The following KIAA0825 variants were observed in gnomAD, a reference collection of about 807,000 sequenced individuals.
KIAA0825 encodes KIAA0825.
Under a neutral mutation model 147.6 loss-of-function variants are expected in KIAA0825, and 119 were observed. That is an observed-to-expected ratio of 0.81 (90% CI 0.69 to 0.94). The LOEUF is 0.94. Ranked by LOEUF, KIAA0825 falls within the 40% of genes least tolerant of loss-of-function variation. The probability of loss-of-function intolerance (pLI) is 0.00; values close to 1 mark genes in which losing one functional copy is unlikely to be tolerated. For missense variants in KIAA0825, 1,381 were observed against 1,472.7 expected, an observed-to-expected ratio of 0.94 and a Z score of 1.02; for synonymous variants, 470 against 518.1, an observed-to-expected ratio of 0.91 and a Z score of 1.26.
intron 2 of KIAA0825, among the ~76,000 whole-genome samples, chr5:94,576,001 A>T (rs190969431): frequency 6.6e-6 from 1 of 152,312 alleles, no homozygotes; most frequent in East Asian, 1.9e-4. Context: ...AGTGGTAAGA[A>T]GGCATAGCAA....
chr5:94,234,232 G>A (rs796522761), intron 20 of KIAA0825, among the ~76,000 whole-genome samples: 25 of 151,962 alleles, frequency 1.6e-4, no homozygotes, highest in African/African-American at 3.9e-4. Context: ...TTAGCCGGGC[G>A]TGGTGGCGGG....
At chr5:94,615,064 T>TAA (rs570986751) in intron 1 of KIAA0825, among the ~76,000 whole-genome samples, 85 of 130,070 alleles carry the variant, frequency 6.5e-4, no homozygotes, top group African/African-American at 2.3e-3. Context: ...TCATAGCTGG[T>TAA]AAAAAAAAAA....
intron 20 of KIAA0825, among the ~76,000 whole-genome samples, chr5:94,269,824 T>C (rs1369104959): frequency 6.6e-6 from 1 of 151,892 alleles, no homozygotes; most frequent in African/African-American, 2.4e-5. Context: ...CAGAAATACA[T>C]GAAATTGAAA....
intron 1 of KIAA0825, among the ~76,000 whole-genome samples, chr5:94,588,348 A>T (rs866693810): frequency 6.6e-6 from 1 of 152,350 alleles, no homozygotes; most frequent in African/African-American, 2.4e-5. Flanking sequence ...ATTTACAAGA[A>T]AAAAAGTCCC....
chr5:94,382,201 A>G (rs1748507734), intron 20 of KIAA0825, among the ~76,000 whole-genome samples: 1 of 152,202 alleles, frequency 6.6e-6, no homozygotes, highest in Non-Finnish European at 1.5e-5. Context: ...CTAACCCCAA[A>G]CACCATAGTT....
At position 94,511,251 on chromosome 5, in the gene KIAA0825, C is replaced by T. The variant is rs562436423; in HGVS notation, c.970+8997G>A. Among the ~76,000 whole-genome samples the T allele has an allele frequency of 2.0e-5, 3 of 152,280 alleles. No individual in the cohort carries two copies. The South Asian group carries it at 6.2e-4, about 32-fold the overall frequency. On this transcript the variant is annotated intron_variant, in intron 5 of 20. Transcript: ENST00000682413. ...TGTTCGTTGTTATATTCCCTGAACC[C>T]CTCCTCACCCCTGACTATGGTATTT...
At chr5:94,254,664 T>G (rs1776151053) in intron 20 of KIAA0825, among the ~76,000 whole-genome samples, 1 of 152,174 alleles carries the variant, frequency 6.6e-6, no homozygotes, top group Non-Finnish European at 1.5e-5. Context: ...CTCTATGATA[T>G]TGACAAGTTT....
chr5:94,536,296 T>TAAA (rs1308843944), intron 3 of KIAA0825, among the ~76,000 whole-genome samples: 7 of 152,178 alleles, frequency 4.6e-5, no homozygotes, highest in Non-Finnish European at 8.8e-5. Context: ...TCTTAAATTT[T>TAAA]AAAAAAAGAA....
chr5:94,240,199 C>T (rs535354641), intron 20 of KIAA0825, among the ~76,000 whole-genome samples: 1 of 152,166 alleles, frequency 6.6e-6, no homozygotes, highest in Non-Finnish European at 1.5e-5. Context: ...ACTCGGCTAA[C>T]CCATATTAAG....
At chr5:94,352,624 G>C (rs1415983745) in intron 20 of KIAA0825, among the ~76,000 whole-genome samples, 1 of 152,224 alleles carries the variant, frequency 6.6e-6, no homozygotes, top group African/African-American at 2.4e-5. Context: ...GCACACGCAT[G>C]TTTATAGCCG....
chr5:94,353,647 T>TTA (rs1332169098), intron 20 of KIAA0825, among the ~76,000 whole-genome samples: 1 of 152,322 alleles, frequency 6.6e-6, no homozygotes. Flanking sequence ...CAATATCTTC[T>TTA]TATATACATT....
rs573378877 is a variant in KIAA0825 at position 94,174,646 on chromosome 5, T to TC, written c.3711-20523dup. On this transcript the variant is annotated intron_variant, in intron 20 of 20. Transcript: ENST00000682413. ...TATTGCTTTAAAAATATCAAGCTTA[T>TC]CCCCCTTTAAGAGGTCAAACAACAT... is the stretch of plus-strand genomic sequence containing the variant. Among the ~76,000 whole-genome samples the TC allele has an allele frequency of 2.6e-5, 4 of 152,000 alleles. No individual in the cohort carries two copies. The South Asian group carries it at 8.3e-4, about 32-fold the overall frequency.
chr5:94,236,973 A>G (rs1339387026), intron 20 of KIAA0825, among the ~76,000 whole-genome samples: 1 of 152,024 alleles, frequency 6.6e-6, no homozygotes, highest in Non-Finnish European at 1.5e-5. Flanking sequence ...AGTTTATTGA[A>G]ATATTCACTT....
chr5:94,512,825 G>A (rs1271845093), intron 5 of KIAA0825, among the ~76,000 whole-genome samples: 1 of 152,112 alleles, frequency 6.6e-6, no homozygotes. Context: ...TTACCTGGGA[G>A]GCGAAGGTTG....
At chr5:94,282,113 G>A (rs1452417889) in intron 20 of KIAA0825, among the ~76,000 whole-genome samples, 6 of 152,082 alleles carry the variant, frequency 3.9e-5, no homozygotes, top group Non-Finnish European at 7.4e-5. Flanking sequence ...TTGACAGAAT[G>A]AAGGAACTAT....
intron 20 of KIAA0825, among the ~76,000 whole-genome samples, chr5:94,308,756 C>T (rs887171551): frequency 9.9e-5 from 15 of 151,878 alleles, no homozygotes; most frequent in African/African-American, 3.4e-4. Flanking sequence ...TAATCAGGTG[C>T]TCAATCTTAA....
rs755172116 is a variant in KIAA0825, at chr5:94,403,807, T to C, written c.2663-14A>G. ...CGCACGTTGAGACTTTAAAATCAGATGGCATATTATGGTTAGCAGAACCTA... is the reference window on the plus strand; with the variant it reads ...CGCACGTTGAGACTTTAAAATCAGACGGCATATTATGGTTAGCAGAACCTA... On this transcript the variant is annotated splice_polypyrimidine_tract_variant and intron_variant, in intron 15 of 20. Transcript: ENST00000682413. 6 of 1,546,394 alleles carry C rather than the reference T, an allele frequency of 3.9e-6. No individual in the cohort carries two copies. In the East Asian group the frequency reaches 1.5e-4, roughly 38 times the overall value.
At chr5:94,278,050 G>C (rs530957037) in intron 20 of KIAA0825, among the ~76,000 whole-genome samples, 1 of 152,090 alleles carries the variant, frequency 6.6e-6, no homozygotes, top group Non-Finnish European at 1.5e-5. Flanking sequence ...CGCATAAGTG[G>C]GAGCTGAACA....
intron 20 of KIAA0825, among the ~76,000 whole-genome samples, chr5:94,188,445 A>C (rs1423472406): frequency 6.6e-6 from 1 of 151,986 alleles, no homozygotes; most frequent in Non-Finnish European, 1.5e-5. Flanking sequence ...ACCTCTTTGC[A>C]CTCAGTAACA....
Sources: allele counts gnomAD v4.1 joint callset (sites outside exome capture counted in the v4.1 genomes callset), GRCh38; gene constraint gnomAD v4.1.1; transcripts MANE v1.5; gene names NCBI Gene and HGNC (gene_info 2026-07-23, HGNC 2026-07-21).